The following SORCS3 variants were observed in gnomAD, a reference collection of about 807,000 sequenced individuals.
SORCS3 encodes the protein VPS10 domain-containing receptor SorCS3.
SORCS3 carries 57 observed loss-of-function variants against 146.3 expected under a neutral mutation model. The observed-to-expected ratio is 0.39, with a 90% CI of 0.31 to 0.49. SORCS3 has a LOEUF of 0.49. Among genes scored for constraint, SORCS3 ranks in the 20% least tolerant of loss-of-function variants. The pLI, the probability that SORCS3 is intolerant of heterozygous loss-of-function variation, is 0.92. For missense variants in SORCS3, 1,341 were observed against 1,575.5 expected (o/e 0.85, Z 2.52); for synonymous variants, 653 against 618.5 (o/e 1.06, Z -0.83).
chr10:104,921,362 T>C (rs1161144721), intron 3 of SORCS3, among the ~76,000 whole-genome samples: 1 of 152,176 alleles, frequency 6.6e-6, no homozygotes, highest in Non-Finnish European at 1.5e-5. Flanking sequence ...TATTGTCTAA[T>C]TACTCTGGCT....
At chr10:104,642,012 G>A in intron 1 of SORCS3, 58 bp downstream of exon 1, 1 of 1,417,294 alleles carries the variant, frequency 7.1e-7, no homozygotes, top group Non-Finnish European at 9.4e-7. Flanking sequence ...GGGAATGGGG[G>A]GGTGGGTGGG....
intron 7 of SORCS3, among the ~76,000 whole-genome samples, chr10:105,111,298 A>G (rs1017709663): frequency 6.6e-6 from 1 of 152,162 alleles, no homozygotes; most frequent in Admixed American, 6.5e-5. Context: ...GCTCCAATGC[A>G]GTTCTTACCC....
In SORCS3 at chr10:104,887,972, G is replaced by GTGCA. The variant is rs1366086516; in HGVS notation, c.696-27861_696-27860insTGCA. ...ACATGGTGGGGGCGGGGGGGCGGGG[G>GTGCA]CGGAGCAAGCCCATGAAGACAGCAT... On this transcript the variant is annotated intron_variant, in intron 2 of 26. Coordinates refer to ENST00000369701, the MANE Select transcript of SORCS3 (RefSeq NM_014978.3). 1.2e-4 allele frequency among the ~76,000 whole-genome samples: 11 copies of GTGCA among 90,812 alleles called. 2 individuals carry two copies. Among genetic ancestry groups the GTGCA allele is most frequent in the African/African-American group, 9.7e-4 (11 of 11,320 alleles). 59.6% of individuals were successfully genotyped at this position (90,812 alleles called of 152,430 possible).
chr10:104,710,774 A>G (rs1318867818), intron 1 of SORCS3, among the ~76,000 whole-genome samples: 1 of 152,072 alleles, frequency 6.6e-6, no homozygotes, highest in African/African-American at 2.4e-5. Flanking sequence ...TTCTTTGGAA[A>G]ATGCTTATTT....
intron 1 of SORCS3, among the ~76,000 whole-genome samples, chr10:104,664,362 C>T (rs1447287905): frequency 6.6e-6 from 1 of 152,192 alleles, no homozygotes; most frequent in South Asian, 2.1e-4. Flanking sequence ...TGACGTGTAA[C>T]ACATTTCCGT....
chr10:105,091,396 C>CTCCTTCCT (rs1295902164), intron 6 of SORCS3, among the ~76,000 whole-genome samples: 5 of 36,714 alleles, frequency 1.4e-4, no homozygotes, highest in Non-Finnish European at 2.4e-4. Flanking sequence ...CCTTCCTTCC[C>CTCCTTCCT]TCCTTCCTTC....
At chr10:104,690,721 T>G (rs889966784) in intron 1 of SORCS3, among the ~76,000 whole-genome samples, 1 of 152,054 alleles carries the variant, frequency 6.6e-6, no homozygotes, top group African/African-American at 2.4e-5. Context: ...GAGGACGAGG[T>G]CTTGGGTTTC....
chr10:104,642,004 G>C, intron 1 of SORCS3, 50 bp downstream of exon 1: 1 of 940,512 alleles, frequency 1.1e-6, no homozygotes, highest in Non-Finnish European at 1.4e-6. Flanking sequence ...CACCGAAGGG[G>C]AATGGGGGGG....
intron 1 of SORCS3, among the ~76,000 whole-genome samples, chr10:104,790,760 C>T (rs1276893728): frequency 6.6e-6 from 1 of 152,126 alleles, no homozygotes; most frequent in African/African-American, 2.4e-5. Context: ...GCTAAAGGGA[C>T]ATAATGAAAT....
At chr10:104,893,521 C>G (rs2018769326) in intron 2 of SORCS3, among the ~76,000 whole-genome samples, 1 of 152,282 alleles carries the variant, frequency 6.6e-6, no homozygotes, top group South Asian at 2.1e-4. Context: ...CTATCAGTGG[C>G]ATGTACTGGC....
chr10:104,989,503 G>C (rs75923398), intron 4 of SORCS3, among the ~76,000 whole-genome samples: 3,164 of 152,270 alleles, frequency 0.021, 86 homozygotes, highest in African/African-American at 0.063. Flanking sequence ...GAAAATAACA[G>C]TCTGGAATTT....
chr10:105,214,327 G>A, intron 17 of SORCS3, 115 bp from the exon 18 acceptor site: 2 of 1,126,406 alleles, frequency 1.8e-6, no homozygotes, highest in East Asian at 2.5e-5. Flanking sequence ...GCTGTGTGAA[G>A]CACCTGTTTT....
intron 24 of SORCS3, among the ~76,000 whole-genome samples, chr10:105,256,177 C>T (rs972159292): frequency 6.6e-6 from 1 of 152,174 alleles, no homozygotes; most frequent in African/African-American, 2.4e-5. Flanking sequence ...TTTTATGAAT[C>T]TTGGATGGTA....
intron 6 of SORCS3, among the ~76,000 whole-genome samples, chr10:105,099,825 T>C (rs2055770903): frequency 6.6e-6 from 1 of 152,194 alleles, no homozygotes; most frequent in Non-Finnish European, 1.5e-5. Flanking sequence ...TCACCAGTTC[T>C]CTAAGCATCC....
intron 14 of SORCS3, among the ~76,000 whole-genome samples, chr10:105,197,375 T>C (rs1421307050): frequency 1.3e-5 from 2 of 152,200 alleles, no homozygotes. Context: ...ATTAAGCACC[T>C]TTTTGTTTGT....
At chr10:104,827,256 C>A (rs991202009) in intron 1 of SORCS3, among the ~76,000 whole-genome samples, 2 of 152,036 alleles carry the variant, frequency 1.3e-5, no homozygotes, top group Non-Finnish European at 2.9e-5. Flanking sequence ...TGAGATTCAT[C>A]AGAGGAATCA....
intron 22 of SORCS3, among the ~76,000 whole-genome samples, chr10:105,249,118 G>C: frequency 6.6e-6 from 1 of 152,186 alleles, no homozygotes; most frequent in Non-Finnish European, 1.5e-5. Flanking sequence ...AGGAAATGTC[G>C]TGTGGGTGAG....
intron 16 of SORCS3, among the ~76,000 whole-genome samples, chr10:105,207,272 T>TTTATTATTATTATTATTATTATTATTA (rs6144063): frequency 2.0e-4 from 30 of 147,176 alleles, no homozygotes; most frequent in Middle Eastern, 3.6e-3. Context: ...CATGCAGAGG[T>TTTATTATTATTATTATTATTATTATTA]TTATTATTAT....
intron 5 of SORCS3, among the ~76,000 whole-genome samples, chr10:105,086,446 G>GGC (rs72505158): frequency 0.25 from 37,283 of 151,984 alleles, 4,719 homozygotes; most frequent in Admixed American, 0.34. Flanking sequence ...AGTGTGAGCT[G>GGC]GTGACGAGGG....
Sources: gnomAD v4.1 joint callset for allele counts (sites outside exome capture counted in the v4.1 genomes callset) on GRCh38, gnomAD v4.1.1 for gene constraint, MANE v1.5 for transcripts, NCBI Gene and HGNC (gene_info 2026-07-23, HGNC 2026-07-21) for gene names.